The following CDK13 variants were observed in gnomAD, a reference collection of about 807,000 sequenced individuals.
The protein encoded by CDK13 is cyclin-dependent kinase 13.
Under a neutral mutation model 137.6 loss-of-function variants are expected in CDK13, and 40 were observed. That is an observed-to-expected ratio of 0.29 (90% CI 0.23 to 0.38). CDK13 has a LOEUF of 0.38. CDK13 is among the 10% of genes least tolerant of loss of function. The pLI, the probability that CDK13 is intolerant of heterozygous loss-of-function variation, is 1.00. For synonymous variants in CDK13, 869 were observed against 760.1 expected (o/e 1.14, Z -2.36); for missense variants, 1,704 against 1,951.8 (o/e 0.87, Z 2.39).
intron 1 of CDK13, among the ~76,000 whole-genome samples, chr7:39,963,571 CAG>C (rs1342141543): frequency 6.6e-6 from 1 of 152,164 alleles, no homozygotes; most frequent in African/African-American, 2.4e-5. Context: ...CATCTGCAAA[CAG>C]GGACAATTTG....
chr7:40,000,820 A>AT (rs1333879645), intron 4 of CDK13, among the ~76,000 whole-genome samples: 8 of 152,052 alleles, frequency 5.3e-5, no homozygotes, highest in East Asian at 1.9e-4. Flanking sequence ...TTGTAAGAAC[A>AT]TTTTTTTTCT....
intron 5 of CDK13, among the ~76,000 whole-genome samples, chr7:40,037,479 C>G (rs1336334483): frequency 6.6e-6 from 1 of 152,166 alleles, no homozygotes; most frequent in Non-Finnish European, 1.5e-5. Flanking sequence ...TGGCTTCTCC[C>G]AGGTTGAATG....
intron 5 of CDK13, among the ~76,000 whole-genome samples, chr7:40,042,521 C>T (rs549278212): frequency 8.2e-5 from 11 of 134,440 alleles, no homozygotes; most frequent in South Asian, 2.4e-4. Flanking sequence ...CTCTATCACC[C>T]GGGCTGGAGT....
At chr7:39,993,396 C>T (rs879593258) in intron 2 of CDK13, among the ~76,000 whole-genome samples, 1 of 152,146 alleles carries the variant, frequency 6.6e-6, no homozygotes, top group African/African-American at 2.4e-5. Flanking sequence ...TATAAGCTGA[C>T]TCCTTTATTC....
At position 40,020,726 on chromosome 7, in the gene CDK13, A is replaced by G. The variant is rs73392711; in HGVS notation, c.2353+18695A>G. On this transcript the variant is annotated intron_variant, in intron 5 of 13. Transcript: ENST00000181839. ...TGCTTTTAATGGTAATATTATAGCT[A>G]TAGGTGAAATGCTTTGTAGGTAAAA... Among the ~76,000 whole-genome samples, 949 of 152,340 alleles carry G rather than the reference A, an allele frequency of 6.2e-3. 13 individuals carry two copies. The highest frequency in any genetic ancestry group is 0.021 in the African/African-American group (876 of 41,578).
At chr7:39,970,789 A>G (rs1041256646) in intron 1 of CDK13, among the ~76,000 whole-genome samples, 2 of 152,138 alleles carry the variant, frequency 1.3e-5, no homozygotes, top group African/African-American at 4.8e-5. Context: ...GTCTGTTTGC[A>G]TGGTGTATGT....
intron 1 of CDK13, among the ~76,000 whole-genome samples, chr7:39,953,565 A>G (rs780734581): frequency 3.0e-4 from 46 of 152,172 alleles, no homozygotes; most frequent in Admixed American, 6.5e-5. Context: ...ATGTATGACT[A>G]GGACTATTCA....
At position 40,012,890 on chromosome 7, in the gene CDK13, C is replaced by T. The variant is rs533062592; in HGVS notation, c.2353+10859C>T. Among the ~76,000 whole-genome samples, 4 of 144,922 alleles carry T rather than the reference C, an allele frequency of 2.8e-5. No homozygotes were observed. In the South Asian group the frequency reaches 6.6e-4, roughly 24 times the overall value. On this transcript the variant is annotated intron_variant, in intron 5 of 13. Transcript: ENST00000181839. Reference sequence around the variant, plus strand: ...TTGCACCACTGCACTCCAGCCTGGGCGACCAAGTGAGACTCTGTGTCAAAA... The same window carrying T: ...TTGCACCACTGCACTCCAGCCTGGGTGACCAAGTGAGACTCTGTGTCAAAA...
chr7:40,033,729 T>C (rs1337994208), intron 5 of CDK13, among the ~76,000 whole-genome samples: 1 of 152,178 alleles, frequency 6.6e-6, no homozygotes, highest in Non-Finnish European at 1.5e-5. Context: ...GCCATATTTG[T>C]ATAGTGGTAA....
chr7:40,093,055 A>C lies in CDK13; in HGVS notation c.3506A>C (p.Lys1169Thr). Residue 1169 changes from lysine to threonine, a missense_variant, in exon 13 of 14, where the codon AAA becomes ACA. Lys to Thr is a moderately conservative substitution (Grantham distance 78). Around this residue, in one of 5 missense-constraint regions of CDK13, gnomAD observed 475 missense variants for 579.3 expected, o/e 0.82. Transcript: ENST00000181839. ...CCTTCTTCTCAGACCATCCAGCCTAAAGTGGAGACTGATGCTGCCCAGGCG... is the reference window on the plus strand; with the variant it reads ...CCTTCTTCTCAGACCATCCAGCCTACAGTGGAGACTGATGCTGCCCAGGCG... ...IQPSSQTIQP[K>T]VETDAAQAAV... The C allele has an allele frequency of 1.2e-6, 2 of 1,614,172 alleles. No individual in the cohort carries two copies. The highest frequency in any genetic ancestry group is 1.7e-6 in the Non-Finnish European group (2 of 1,180,036).
intron 5 of CDK13, among the ~76,000 whole-genome samples, chr7:40,028,218 CTTT>C (rs1209452508): frequency 4.2e-5 from 5 of 118,992 alleles, no homozygotes; most frequent in Non-Finnish European, 1.7e-5. Context: ...CTTGAATTGA[CTTT>C]TTTTTTTTTT....
intron 1 of CDK13, among the ~76,000 whole-genome samples, chr7:39,971,221 A>G (rs1252642224): frequency 3.3e-5 from 5 of 152,166 alleles, no homozygotes; most frequent in African/African-American, 1.2e-4. Flanking sequence ...CTTGTTTTAT[A>G]ATTTTATTTT....
intron 1 of CDK13, among the ~76,000 whole-genome samples, chr7:39,953,151 T>A (rs1472391220): frequency 6.6e-6 from 1 of 152,202 alleles, no homozygotes; most frequent in Non-Finnish European, 1.5e-5. Context: ...AGGTGTGATG[T>A]TTATAGAGAT....
At chr7:40,084,202 C>T (rs902942009) in intron 11 of CDK13, among the ~76,000 whole-genome samples, 4 of 151,750 alleles carry the variant, frequency 2.6e-5, no homozygotes, top group East Asian at 1.9e-4. Flanking sequence ...AAAATTAGGC[C>T]GGGCGCAGTG....
At chr7:39,992,070 T>C (rs892323073) in intron 2 of CDK13, among the ~76,000 whole-genome samples, 2 of 147,086 alleles carry the variant, frequency 1.4e-5, no homozygotes, top group South Asian at 2.2e-4. Flanking sequence ...GAAAAAATTA[T>C]ACACACACAC....
At chr7:39,961,990 T>C (rs1316236153) in intron 1 of CDK13, among the ~76,000 whole-genome samples, 1 of 152,258 alleles carries the variant, frequency 6.6e-6, no homozygotes, top group African/African-American at 2.4e-5. Flanking sequence ...GGCTGCATAG[T>C]ATTCCATGGT....
At chr7:40,004,705 G>T (rs1417197435) in intron 5 of CDK13, among the ~76,000 whole-genome samples, 2 of 151,984 alleles carry the variant, frequency 1.3e-5, no homozygotes, top group Non-Finnish European at 2.9e-5. Context: ...AAATGTTATG[G>T]GCTAATCTAA....
intron 9 of CDK13, chr7:40,071,647 T>A (rs1786425452): frequency 6.6e-6 from 1 of 152,238 alleles, no homozygotes; most frequent in Admixed American, 6.5e-5. Flanking sequence ...TGAAAAATGC[T>A]GCTTCACTGA....
Position 40,092,891 on chromosome 7 carries a change from G to A in CDK13, c.3342G>A (p.Leu1114=). ...SVNMADFVQV[L]NIKVNSETQQ... is the part of the protein sequence containing the mutation. ...ATATGGCTGATTTTGTCCAAGTGTT[G>A]AACATTAAGGTAAACTCTGAGACTC... Residue 1114 remains leucine (L), a synonymous_variant, in exon 13 of 14, where the codon TTG becomes TTA. Coordinates refer to ENST00000181839, the MANE Select transcript of CDK13 (RefSeq NM_003718.5). The A allele has an allele frequency of 6.2e-7, 1 of 1,614,064 alleles. No individual in the cohort carries two copies. Among genetic ancestry groups the A allele is most frequent in the African/African-American group, 1.3e-5 (1 of 75,000 alleles).
Sources: allele counts gnomAD v4.1 joint callset (sites outside exome capture counted in the v4.1 genomes callset), GRCh38; gene constraint gnomAD v4.1.1; regional missense constraint gnomAD v4.1.1; transcripts MANE v1.5; gene names NCBI Gene and HGNC (gene_info 2026-07-23, HGNC 2026-07-21).